EPM2A: variants seen among roughly 807,000 people sequenced by gnomAD.
EPM2A encodes the protein laforin.
Under a neutral mutation model 26.5 loss-of-function variants are expected in EPM2A, and 21 were observed. That is an observed-to-expected ratio of 0.79 (90% CI 0.56 to 1.14). The LOEUF is 1.14. Among genes scored for constraint, EPM2A ranks in the 50% most tolerant of loss-of-function variants. EPM2A has a pLI of 0.00. For missense variants in EPM2A, 458 were observed against 440.8 expected (o/e 1.04, Z -0.35); for synonymous variants, 217 against 177.6 (o/e 1.22, Z -1.76).
chr6:145,707,472 C>T (rs531893423), intron 1 of EPM2A, among the ~76,000 whole-genome samples: 71 of 152,210 alleles, frequency 4.7e-4, no homozygotes, highest in Non-Finnish European at 8.2e-4. Context: ...AATTGTAGCT[C>T]CCATAATTTC....
intron 2 of EPM2A, among the ~76,000 whole-genome samples, chr6:145,553,420 T>C (rs916719213): frequency 1.3e-5 from 2 of 152,064 alleles, no homozygotes; most frequent in Non-Finnish European, 1.5e-5. Flanking sequence ...GCTAACGAAC[T>C]CACCAAAAAC....
chr6:145,470,686 T>C (rs1030431129), intron 4 of EPM2A, among the ~76,000 whole-genome samples: 4 of 152,166 alleles, frequency 2.6e-5, no homozygotes, highest in African/African-American at 9.7e-5. Flanking sequence ...AGATTTTGAA[T>C]ACACAAGTTT....
At chr6:145,439,219 G>A (rs1398354420) in intron 4 of EPM2A, among the ~76,000 whole-genome samples, 1 of 152,238 alleles carries the variant, frequency 6.6e-6, no homozygotes, top group South Asian at 2.1e-4. Context: ...CTGTTGATGG[G>A]CTTTTAGGTT....
In EPM2A at chr6:145,627,488, C is replaced by T. The variant is rs1439211009; in HGVS notation, c.924G>A (p.Glu308=). ...AKRPAVYIDE[E]ALARAQEDFF... ...AATCTTCTTGTGCCCGGGCCAAGGC[C>T]TCTTCGTCAATGTAGACAGCCGGCC... The change falls in exon 4 of 4, where the codon GAG becomes GAA. Residue 308 remains glutamate (E), a synonymous_variant. Transcript: ENST00000367519. 11 of 1,614,142 alleles carry T rather than the reference C, an allele frequency of 6.8e-6. No individual in the cohort carries two copies. Among genetic ancestry groups the T allele is most frequent in the Admixed American group, 1.7e-5 (1 of 60,012 alleles).
At chr6:145,717,996 A>G (rs369218864) in intron 1 of EPM2A, among the ~76,000 whole-genome samples, 1 of 151,398 alleles carries the variant, frequency 6.6e-6, no homozygotes, top group East Asian at 1.9e-4. Context: ...AGAACATTCC[A>G]TGCTCATGGG....
intron 1 of EPM2A, among the ~76,000 whole-genome samples, chr6:145,696,420 A>C (rs1475448366): frequency 6.6e-6 from 1 of 152,178 alleles, no homozygotes; most frequent in African/African-American, 2.4e-5. Flanking sequence ...TAAGAGTATA[A>C]ATTTCAAAGG....
At chr6:145,715,495 T>A (rs548608146) in intron 1 of EPM2A, among the ~76,000 whole-genome samples, 1 of 152,264 alleles carries the variant, frequency 6.6e-6, no homozygotes, top group South Asian at 2.1e-4. Context: ...GAATGAAAGA[T>A]GTTATTTGAG....
At chr6:145,632,931 T>C (rs966994319) in intron 3 of EPM2A, among the ~76,000 whole-genome samples, 3 of 152,200 alleles carry the variant, frequency 2.0e-5, no homozygotes, top group African/African-American at 2.4e-5. Context: ...ACGTGGAAGC[T>C]TGCATTTTGC....
intron 1 of EPM2A, among the ~76,000 whole-genome samples, chr6:145,732,681 C>G (rs7745379): frequency 0.066 from 10,094 of 152,110 alleles, 1,125 homozygotes; most frequent in African/African-American, 0.22. Context: ...TAAGTAAAAT[C>G]TGAACATGAT....
chr6:145,471,211 C>T (rs1779469136), intron 4 of EPM2A, among the ~76,000 whole-genome samples: 1 of 152,096 alleles, frequency 6.6e-6, no homozygotes, highest in Admixed American at 6.6e-5. Context: ...ATTGATTGAT[C>T]AATATATTTA....
chr6:145,692,393 C>T (rs1056756502), intron 1 of EPM2A, among the ~76,000 whole-genome samples: 3 of 151,818 alleles, frequency 2.0e-5, no homozygotes, highest in Non-Finnish European at 4.4e-5. Flanking sequence ...ATACAGCACC[C>T]AATATAGCAG....
At chr6:145,597,026 C>CT (rs1363477865) in intron 2 of EPM2A, among the ~76,000 whole-genome samples, 1 of 151,254 alleles carries the variant, frequency 6.6e-6, no homozygotes, top group Non-Finnish European at 1.5e-5. Context: ...TCCCGAGTAG[C>CT]TGGGACTACA....
At position 145,626,777 on chromosome 6, in the gene EPM2A, A is replaced by C; in HGVS notation, c.*639T>G. ...TTGCTTTGTTTGGTAATTTTGAGGA[A>C]AAACAACAACAAATGAGAGATAATT... On this transcript the variant is annotated 3_prime_UTR_variant, in exon 4 of 4. Coordinates refer to ENST00000367519, the MANE Select transcript of EPM2A (RefSeq NM_005670.4). The C allele has an allele frequency of 1.0e-6, 1 of 985,758 alleles. No homozygotes were observed. The highest frequency in any genetic ancestry group is 1.2e-6 in the Non-Finnish European group (1 of 830,366). 61.1% of individuals were successfully genotyped at this position (985,758 alleles called of 1,614,324 possible). A position where few individuals can be genotyped will look rare whatever the true frequency, so the allele number is the denominator to read the frequency against.
intron 2 of EPM2A, among the ~76,000 whole-genome samples, chr6:145,646,524 T>G (rs1777478179): frequency 6.6e-6 from 1 of 152,068 alleles, no homozygotes; most frequent in African/African-American, 2.4e-5. Flanking sequence ...ACTAGGTGAT[T>G]GCATGTATCC....
chr6:145,488,182 C>A (rs141795139), intron 4 of EPM2A, among the ~76,000 whole-genome samples: 3 of 151,918 alleles, frequency 2.0e-5, no homozygotes, highest in African/African-American at 7.2e-5. Context: ...TCTAGGTGAT[C>A]GTTCTTGTAC....
chr6:145,617,494 A>G (rs1410638660), intron 2 of EPM2A, among the ~76,000 whole-genome samples: 1 of 152,264 alleles, frequency 6.6e-6, no homozygotes, highest in Non-Finnish European at 1.5e-5. Context: ...ATATAGAAAG[A>G]GAAATCGTTA....
chr6:145,544,448 A>C (rs1780556414), intron 2 of EPM2A, among the ~76,000 whole-genome samples: 2 of 152,228 alleles, frequency 1.3e-5, no homozygotes, highest in African/African-American at 4.8e-5. Context: ...TTCCTTGGAA[A>C]AAGCAAAATA....
Position 145,618,972 on chromosome 6 carries a change from C to T in EPM2A, c.340+16273G>A, listed in dbSNP as rs78773942. Among the ~76,000 whole-genome samples the T allele has an allele frequency of 2.5e-3, 373 of 152,064 alleles. 4 individuals are homozygous for T. Among genetic ancestry groups the T allele is most frequent in the African/African-American group, 8.4e-3 (350 of 41,490 alleles). ...AGGAAGCTTTAACAATCCAGGTCAG[C>T]GTGGACAGAGGGGAGTAGTTATATT... On this transcript the variant is annotated intron_variant, in intron 2 of 3. Transcript: ENST00000450221.
chr6:145,656,287 G>C (rs1170712352), intron 2 of EPM2A, among the ~76,000 whole-genome samples: 1 of 152,170 alleles, frequency 6.6e-6, no homozygotes. Context: ...TGGAGACATG[G>C]AAGGAGAGGG....
Sources: allele counts gnomAD v4.1 joint callset (sites outside exome capture counted in the v4.1 genomes callset), GRCh38; gene constraint gnomAD v4.1.1; transcripts MANE v1.5; gene names NCBI Gene and HGNC (gene_info 2026-07-23, HGNC 2026-07-21).